TTC3: variants seen among roughly 807,000 people sequenced by gnomAD.
TTC3 encodes the protein E3 ubiquitin-protein ligase TTC3.
A neutral mutation model predicts 249.6 loss-of-function variants in TTC3; 180 were observed. That is an observed-to-expected ratio of 0.72 (90% CI 0.64 to 0.82). The LOEUF is 0.82. TTC3 is among the 40% of genes least tolerant of loss of function. TTC3 has a pLI of 0.00. For missense variants in TTC3, 2,061 were observed against 2,398.4 expected (o/e 0.86, Z 2.94); for synonymous variants, 717 against 805.0 (o/e 0.89, Z 1.85).
In TTC3 at chr21:37,124,636, G is replaced by A. The variant is rs772508970; in HGVS notation, c.1127G>A (p.Ser376Asn). The A allele has an allele frequency of 1.6e-4, 257 of 1,611,962 alleles. No individual in the cohort carries two copies. The highest frequency in any genetic ancestry group is 2.1e-4 in the Non-Finnish European group (248 of 1,179,698). ...CCACTTAGGGCCTACACACCTAGGA[G>A]TTTATCAGCACCTATATTTACTACT... is the stretch of plus-strand genomic sequence containing the variant. Residue 376 changes from serine (S) to asparagine (N), a missense_variant, in exon 14 of 46, where the codon AGT becomes AAT. Physicochemically the swap from Ser to Asn is conservative, Grantham distance 46. Transcript: ENST00000355666.
chr21:37,191,534 A>T (rs2835656), intron 40 of TTC3, 110 bp downstream of exon 40: 18,080 of 629,706 alleles, frequency 0.029, 1,637 homozygotes, highest in African/African-American at 0.22. Flanking sequence ...ATTATCAATA[A>T]TTTTTTTTGT....
chr21:37,150,183 G>A lies in TTC3; in HGVS notation c.2211+13G>A. 1.3e-6 allele frequency: 2 copies of A among 1,591,478 alleles called. No homozygotes were observed. Among genetic ancestry groups the A allele is most frequent in the Non-Finnish European group, 1.7e-6 (2 of 1,162,710 alleles). On this transcript the variant is annotated intron_variant, in intron 24 of 45. Coordinates refer to ENST00000355666, the Ensembl canonical transcript of TTC3. Reference sequence around the variant, plus strand: ...AGTTAAATGTGAAGTAAGTAATAAAGGGGAAACCTTGTTAGATAGATAACC... The same window carrying A: ...AGTTAAATGTGAAGTAAGTAATAAAAGGGAAACCTTGTTAGATAGATAACC...
intron 11 of TTC3, among the ~76,000 whole-genome samples, chr21:37,119,678 C>T (rs971632584): frequency 1.3e-5 from 2 of 152,182 alleles, no homozygotes; most frequent in South Asian, 4.1e-4. Flanking sequence ...CGGGATCAAT[C>T]ACAGGGCTTA....
intron 35 of TTC3, among the ~76,000 whole-genome samples, chr21:37,173,341 T>C (rs1212353397): frequency 2.0e-5 from 3 of 152,226 alleles, no homozygotes; most frequent in African/African-American, 4.8e-5. Context: ...TAAGGAAGTA[T>C]AAGAATAACA....
intron 1 of TTC3, among the ~76,000 whole-genome samples, chr21:37,077,209 T>A (rs2071014635): frequency 6.6e-6 from 1 of 152,168 alleles, no homozygotes; most frequent in Non-Finnish European, 1.5e-5. Flanking sequence ...GTTACTGTGA[T>A]GTTCTAGAAA....
intron 1 of TTC3, chr21:37,084,130 G>C (rs1388797159): frequency 6.6e-6 from 1 of 152,202 alleles, no homozygotes; most frequent in Non-Finnish European, 1.5e-5. Flanking sequence ...GTTAAGTCAT[G>C]GGTGTGGTGG....
chr21:37,156,199 G>C (rs1379404614), intron 27 of TTC3, among the ~76,000 whole-genome samples: 1 of 96,662 alleles, frequency 1.0e-5, no homozygotes, highest in Non-Finnish European at 1.9e-5. Context: ...ACCATGCCTG[G>C]CTAACTCTTT....
At chr21:37,195,588 T>C in intron 41 of TTC3, 87 bp from the exon 42 acceptor site, 1 of 1,505,412 alleles carries the variant, frequency 6.6e-7, no homozygotes, top group Non-Finnish European at 8.9e-7. Context: ...GCTGCGTTAC[T>C]GTATTTATTC....
intron 31 of TTC3, among the ~76,000 whole-genome samples, chr21:37,162,871 G>A (rs1226390417): frequency 6.6e-6 from 1 of 152,130 alleles, no homozygotes; most frequent in East Asian, 1.9e-4. Context: ...CCTGCTTTCT[G>A]GTTCATAGAT....
chr21:37,083,475 T>C, intron 1 of TTC3: 1 of 871,860 alleles, frequency 1.1e-6, no homozygotes, highest in Non-Finnish European at 1.4e-6. Context: ...GGAGAAACAG[T>C]GAAGGCAGTG....
At chr21:37,117,491 G>T (rs997213034) in intron 11 of TTC3, among the ~76,000 whole-genome samples, 10 of 152,126 alleles carry the variant, frequency 6.6e-5, no homozygotes, top group African/African-American at 2.2e-4. Flanking sequence ...TAAAATGAAT[G>T]AATGAATGAT....
chr21:37,104,513 G>T (rs1280819035), intron 10 of TTC3, among the ~76,000 whole-genome samples: 1 of 150,470 alleles, frequency 6.6e-6, no homozygotes, highest in Admixed American at 6.7e-5. Context: ...TTGCTTGAAC[G>T]TGGGAGGCGG....
chr21:37,144,743 C>A, intron 21 of TTC3, 98 bp downstream of exon 21: 1 of 1,430,632 alleles, frequency 7.0e-7, no homozygotes, highest in Non-Finnish European at 9.4e-7. Context: ...GCATTCCATC[C>A]CCACCTCCCT....
chr21:37,115,203 A>AATAATAAT, intron 11 of TTC3, among the ~76,000 whole-genome samples: 2 of 69,790 alleles, frequency 2.9e-5, no homozygotes, highest in African/African-American at 1.3e-4. Flanking sequence ...ATAATAATAA[A>AATAATAAT]GAAACTATTT....
intron 1 of TTC3, chr21:37,086,992 A>G: frequency 2.3e-6 from 1 of 431,316 alleles, no homozygotes; most frequent in East Asian, 4.1e-5. Flanking sequence ...GAGACATGTA[A>G]ACAGGTTAAC....
exon 36 of TTC3, chr21:37,182,845 A>G (rs1356173639): frequency 1.3e-6 from 2 of 1,596,758 alleles, no homozygotes; most frequent in Admixed American, 3.6e-5. Flanking sequence ...AACAGGAAAA[A>G]AAAGAAATCC....
chr21:37,140,633 G>C, exon 20 of TTC3: 1 of 1,608,438 alleles, frequency 6.2e-7, no homozygotes, highest in Non-Finnish European at 8.5e-7. Context: ...TGATTGCTTG[G>C]CCTACTGTGG....
At chr21:37,130,215 G>A (rs953020452) in intron 16 of TTC3, among the ~76,000 whole-genome samples, 1 of 151,788 alleles carries the variant, frequency 6.6e-6, no homozygotes, top group African/African-American at 2.4e-5. Flanking sequence ...GACCATTTTT[G>A]GATGCTGCTA....
intron 5 of TTC3, 43 bp downstream of exon 5, chr21:37,088,929 T>C (rs2072887760): frequency 1.9e-6 from 3 of 1,550,720 alleles, no homozygotes. Flanking sequence ...TTGGTTTAAA[T>C]AATATAAGCA....
Sources: gnomAD v4.1 joint callset for allele counts (sites outside exome capture counted in the v4.1 genomes callset) on GRCh38, gnomAD v4.1.1 for gene constraint, MANE v1.5 for transcripts, NCBI Gene and HGNC (gene_info 2026-07-23, HGNC 2026-07-21) for gene names.